Variants in MCF2L observed in about 807,000 individuals in gnomAD.
MCF2L encodes guanine nucleotide exchange factor DBS.
A neutral mutation model predicts 153.4 loss-of-function variants in MCF2L; 97 were observed. That is an observed-to-expected ratio of 0.63 (90% CI 0.54 to 0.75). MCF2L has a LOEUF of 0.75. MCF2L is among the 30% of genes least tolerant of loss of function. MCF2L has a pLI of 0.00. For synonymous variants in MCF2L, 659 were observed against 632.2 expected, an observed-to-expected ratio of 1.04 and a Z score of -0.64; for missense variants, 1,347 against 1,495.2, an observed-to-expected ratio of 0.90 and a Z score of 1.64.
chr13:113,095,664 G>C, intron 27 of MCF2L: 20 of 991,962 alleles, frequency 2.0e-5, no homozygotes, highest in Non-Finnish European at 2.3e-5. Context: ...AGGCCATCAC[G>C]TGAGGGCAGG....
At chr13:112,996,034 C>A (rs1460721964) in intron 1 of MCF2L, among the ~76,000 whole-genome samples, 1 of 152,212 alleles carries the variant, frequency 6.6e-6, no homozygotes, top group Non-Finnish European at 1.5e-5. Context: ...CACATAGTCC[C>A]GAGTTCCCCT....
At position 113,024,767 on chromosome 13, in the gene MCF2L, A is replaced by G. The variant is rs2085117981; in HGVS notation, c.278+9A>G. Reference sequence around the variant, plus strand: ...CTCACCAGCATCCCCAGGTACGTGCACCCAGAGCCCGGCAGACATTGTGGT... The same window carrying G: ...CTCACCAGCATCCCCAGGTACGTGCGCCCAGAGCCCGGCAGACATTGTGGT... On this transcript the variant is annotated intron_variant, in intron 3 of 29. Transcript: ENST00000535094. 1 of 1,603,260 alleles carries G rather than the reference A, an allele frequency of 6.2e-7. No individual in the cohort carries two copies. The highest frequency in any genetic ancestry group is 8.5e-7 in the Non-Finnish European group (1 of 1,170,136).
At chr13:112,927,573 A>G (rs1408839921) in intron 2 of MCF2L, among the ~76,000 whole-genome samples, 1 of 152,196 alleles carries the variant, frequency 6.6e-6, no homozygotes, top group African/African-American at 2.4e-5. Flanking sequence ...TAAAACATCA[A>G]CACAATACAG....
chr13:113,050,269 T>A (rs2087136565), intron 4 of MCF2L, among the ~76,000 whole-genome samples: 1 of 84,626 alleles, frequency 1.2e-5, no homozygotes, highest in Non-Finnish European at 2.3e-5. Flanking sequence ...AGTGAATGTG[T>A]GTGAGACTGT....
intron 2 of MCF2L, among the ~76,000 whole-genome samples, chr13:112,920,060 T>C (rs1025969478): frequency 1.6e-4 from 24 of 152,130 alleles, no homozygotes; most frequent in African/African-American, 5.8e-4. Flanking sequence ...GTGCTGTCCC[T>C]CCCACAGTTT....
Position 113,064,816 on chromosome 13 carries a change from G to A in MCF2L, c.607-120G>A, listed in dbSNP as rs114326253. 238 of 1,137,822 alleles carry A rather than the reference G, an allele frequency of 2.1e-4. No homozygotes were observed. Among genetic ancestry groups the A allele is most frequent in the African/African-American group, 1.3e-3 (87 of 64,510 alleles). The allele number at this position is 1,137,822 out of a possible 1,614,324, so 70.5% of individuals were successfully genotyped here. A position where few individuals can be genotyped will look rare whatever the true frequency, so the allele number is the denominator to read the frequency against. On this transcript the variant is annotated intron_variant, in intron 6 of 29. Transcript: ENST00000535094. This position sits in a 1 kb window ranked among gnomAD's most constrained non-coding sequence, Gnocchi z 6.0. ...ATGGGAGGGCGTTCACCGTCTTTGC[G>A]TCAGCCGGTCTCACCTGATGGGTCT...
chr13:112,965,928 G>A (rs1230284346), upstream of MCF2L: 2 of 152,220 alleles, frequency 1.3e-5, no homozygotes, highest in Non-Finnish European at 2.9e-5. Context: ...CGGGAACTCT[G>A]TGGATGCCAT....
intron 2 of MCF2L, among the ~76,000 whole-genome samples, chr13:113,021,246 ATG>A (rs1211492724): frequency 5.9e-5 from 9 of 151,752 alleles, no homozygotes; most frequent in African/African-American, 2.2e-4. Flanking sequence ...GTGTAACTGT[ATG>A]TGTGTATATG....
chr13:113,017,301 C>T (rs188713100), intron 2 of MCF2L, among the ~76,000 whole-genome samples: 115 of 152,316 alleles, frequency 7.6e-4, no homozygotes, highest in African/African-American at 2.5e-3. Context: ...GGGGCTGTGC[C>T]CCTTCCGGAG....
At chr13:113,048,522 G>T (rs1219904643) in intron 4 of MCF2L, among the ~76,000 whole-genome samples, 1 of 108,750 alleles carries the variant, frequency 9.2e-6, no homozygotes, top group Non-Finnish European at 2.1e-5. Context: ...CTCACTGCAA[G>T]CTCTGCCTCC....
chr13:113,065,117 G>T lies in MCF2L; in HGVS notation c.756+32G>T, dbSNP rs1416173743. On this transcript the variant is annotated intron_variant, in intron 7 of 29. Transcript: ENST00000535094. ...GGGGGGTGCTCCGGCTGGAAGCTGT[G>T]GGGGGCTCCGGTCAGTCAGAAGCTG... The T allele has an allele frequency of 3.1e-6, 5 of 1,606,464 alleles. No individual in the cohort carries two copies. The Middle Eastern group carries it at 5.0e-4, about 159-fold the overall frequency.
In MCF2L at chr13:113,078,649, G is replaced by A. The variant is rs891973630; in HGVS notation, c.1735-17G>A. On this transcript the variant is annotated splice_polypyrimidine_tract_variant and intron_variant, in intron 14 of 29. Transcript: ENST00000535094. ...TTCCGTCCCGCCTTTCAGACCTGAC[G>A]CTGTTTTTCTCCCCAGAGTGAGATG... is the stretch of plus-strand genomic sequence containing the variant. 15 of 1,609,726 alleles carry A rather than the reference G, an allele frequency of 9.3e-6. No individual in the cohort carries two copies. In the African/African-American group the frequency reaches 1.1e-4, roughly 11 times the overall value.
chr13:112,987,261 C>T (rs374108260), intron 1 of MCF2L, among the ~76,000 whole-genome samples: 5 of 152,234 alleles, frequency 3.3e-5, no homozygotes, highest in Non-Finnish European at 7.3e-5. Flanking sequence ...AGCGCTTTCC[C>T]GAAACGCTGT....
At chr13:113,016,920 G>A (rs373870320) in intron 2 of MCF2L, among the ~76,000 whole-genome samples, 11 of 152,164 alleles carry the variant, frequency 7.2e-5, no homozygotes, top group African/African-American at 2.2e-4. Flanking sequence ...GCTGCCTCCC[G>A]GCTTCTAGAG....
intron 1 of MCF2L, among the ~76,000 whole-genome samples, chr13:112,984,933 T>A (rs565305313): frequency 6.6e-6 from 1 of 152,200 alleles, no homozygotes; most frequent in South Asian, 2.1e-4. Flanking sequence ...GGAGGAAGAC[T>A]GGCAAGCAGT....
At chr13:112,916,489 G>A (rs2081293725) in intron 2 of MCF2L, among the ~76,000 whole-genome samples, 1 of 152,050 alleles carries the variant, frequency 6.6e-6, no homozygotes, top group Admixed American at 6.5e-5. Flanking sequence ...CCGCGCTCTC[G>A]CGTGCCTCAC....
chr13:112,958,143 T>G (rs1441388583), intron 2 of MCF2L: 4 of 152,244 alleles, frequency 2.6e-5, no homozygotes, highest in Non-Finnish European at 5.9e-5. Context: ...ATAAAGACTT[T>G]CAGCTCTTCC....
intron 7 of MCF2L, chr13:113,065,361 G>C (rs1484644938): frequency 4.2e-6 from 2 of 471,088 alleles, no homozygotes; most frequent in East Asian, 3.9e-5. Flanking sequence ...ATTGGCCCTG[G>C]GTGGCCGTGG....
At chr13:113,033,802 G>A (rs558656417) in intron 3 of MCF2L, 175 of 166,514 alleles carry the variant, frequency 1.1e-3, no homozygotes, top group East Asian at 1.9e-4. Context: ...GACATCACGC[G>A]GCCCAGGTGT....
Sources: allele counts gnomAD v4.1 joint callset (sites outside exome capture counted in the v4.1 genomes callset), GRCh38; gene constraint gnomAD v4.1.1; non-coding constraint Gnocchi (gnomAD v3.1); transcripts MANE v1.5; gene names NCBI Gene and HGNC (gene_info 2026-07-23, HGNC 2026-07-21).